The following PPP6C variants were observed in gnomAD, a reference collection of about 807,000 sequenced individuals.
The protein encoded by PPP6C is serine/threonine-protein phosphatase 6 catalytic subunit.
PPP6C carries 11 observed loss-of-function variants against 39.8 expected under a neutral mutation model. The ratio of observed to expected loss-of-function variants is 0.28; its 90% CI spans 0.17 to 0.46. PPP6C has a LOEUF of 0.46. Ranked by LOEUF, PPP6C falls within the 20% of genes least tolerant of loss-of-function variation. The pLI is 1.00. For synonymous variants in PPP6C, 129 were observed against 130.3 expected (o/e 0.99, Z 0.07); for missense variants, 211 against 373.9 (o/e 0.56, Z 3.59).
At chr9:125,154,613 G>A (rs1247916433) in intron 4 of PPP6C, among the ~76,000 whole-genome samples, 4 of 152,166 alleles carry the variant, frequency 2.6e-5, no homozygotes, top group African/African-American at 9.7e-5. Flanking sequence ...ACAACCTGAA[G>A]CAAATGTTTT....
intron 2 of PPP6C, among the ~76,000 whole-genome samples, chr9:125,162,091 A>C (rs866135928): frequency 2.9e-5 from 4 of 137,694 alleles, no homozygotes; most frequent in South Asian, 5.0e-4. Flanking sequence ...AAAGTCAGAC[A>C]AAAAAAAAAA....
intron 2 of PPP6C, among the ~76,000 whole-genome samples, chr9:125,167,658 G>A (rs1015426295): frequency 2.2e-4 from 34 of 151,642 alleles, no homozygotes; most frequent in African/African-American, 7.5e-4. Context: ...AGCCAGGATC[G>A]TGCCATTGCA....
rs1048841603 is a variant in PPP6C, at chr9:125,147,197, A to G, written c.*2476T>C. 1.3e-5 allele frequency: 2 copies of G among 152,236 alleles called. No individual in the cohort carries two copies. Among genetic ancestry groups the G allele is most frequent in the Non-Finnish European group, 2.9e-5 (2 of 68,040 alleles). The allele number at this position is 152,236 out of a possible 1,614,324, so 9.4% of individuals were successfully genotyped here. ...AAGAGCATATCGGCCAAAGGAGGAA[A>G]GGGAGTAAATGGCAATTCAAAGTAG... On this transcript the variant is annotated 3_prime_UTR_variant, in exon 7 of 7. Transcript: ENST00000373547.
chr9:125,155,171 G>A (rs1374607140), intron 4 of PPP6C, among the ~76,000 whole-genome samples: 1 of 152,076 alleles, frequency 6.6e-6, no homozygotes, highest in Non-Finnish European at 1.5e-5. Context: ...CTCCCACAGT[G>A]CTGAGAATAC....
chr9:125,166,977 A>T (rs1829030578), intron 2 of PPP6C, among the ~76,000 whole-genome samples: 1 of 152,074 alleles, frequency 6.6e-6, no homozygotes, highest in Admixed American at 6.6e-5. Context: ...ATAGCTGACT[A>T]TAGCCTCAAA....
In PPP6C at chr9:125,146,586, A is replaced by G. The variant is rs533227764; in HGVS notation, c.*3087T>C. ...CAAGCAACCAAGTGGAGGAATAAGC[A>G]TTTTTTAATTTCTTATATAAAATGC... On this transcript the variant is annotated 3_prime_UTR_variant, in exon 7 of 7. Transcript: ENST00000373547. 1 of 152,212 alleles carries G rather than the reference A, an allele frequency of 6.6e-6. No individual in the cohort carries two copies. The highest frequency in any genetic ancestry group is 1.9e-4 in the East Asian group (1 of 5,184). 9.4% of individuals were successfully genotyped at this position (152,212 alleles called of 1,614,324 possible). A position where few individuals can be genotyped will look rare whatever the true frequency, so the allele number is the denominator to read the frequency against.
chr9:125,173,122 T>C (rs557970574), intron 1 of PPP6C, among the ~76,000 whole-genome samples: 10 of 151,886 alleles, frequency 6.6e-5, no homozygotes, highest in African/African-American at 2.4e-4. Flanking sequence ...CTACTAAATA[T>C]AAAAATTAGG....
chr9:125,179,463 A>G (rs1829377529), intron 1 of PPP6C, among the ~76,000 whole-genome samples: 1 of 151,980 alleles, frequency 6.6e-6, no homozygotes, highest in Non-Finnish European at 1.5e-5. Context: ...ATTTTTATTT[A>G]TTAGACAGAG....
rs182625272 is a variant in PPP6C at position 125,173,067 on chromosome 9, A to C, written c.76-1887T>G. 9.9e-5 allele frequency among the ~76,000 whole-genome samples: 15 copies of C among 152,280 alleles called. No individual in the cohort carries two copies. In the East Asian group the frequency reaches 1.4e-3, roughly 14 times the overall value. ...CAAAGTGGGTGGATCATTTGAGGTC[A>C]GGAGTTCAAGACCAGCCTGACCAAC... is the stretch of plus-strand genomic sequence containing the variant. On this transcript the variant is annotated intron_variant, in intron 1 of 6. Transcript: ENST00000373547.
chr9:125,186,742 T>C (rs1248693744), intron 1 of PPP6C, among the ~76,000 whole-genome samples: 1 of 151,166 alleles, frequency 6.6e-6, no homozygotes, highest in African/African-American at 2.4e-5. Context: ...AGTGAGACCA[T>C]GTCCCCGCTC....
chr9:125,185,408 T>C (rs527600239), intron 1 of PPP6C, among the ~76,000 whole-genome samples: 1 of 151,968 alleles, frequency 6.6e-6, no homozygotes, highest in Non-Finnish European at 1.5e-5. Flanking sequence ...AAAACTGTTA[T>C]GTATGCCAGG....
At chr9:125,160,224 T>C (rs919852833) in intron 3 of PPP6C, among the ~76,000 whole-genome samples, 4 of 152,290 alleles carry the variant, frequency 2.6e-5, no homozygotes, top group Middle Eastern at 3.4e-3. Flanking sequence ...TAATAGTCAA[T>C]TGAAGATTTT....
intron 1 of PPP6C, among the ~76,000 whole-genome samples, chr9:125,174,541 T>A (rs1293199840): frequency 6.6e-6 from 1 of 151,656 alleles, no homozygotes; most frequent in Admixed American, 6.6e-5. Flanking sequence ...TTGTGTTGAA[T>A]TTTCCACACC....
chr9:125,154,376 A>C (rs186097611), intron 4 of PPP6C, among the ~76,000 whole-genome samples: 1 of 152,374 alleles, frequency 6.6e-6, no homozygotes, highest in Admixed American at 6.5e-5. Flanking sequence ...ATAAGGAAAT[A>C]GTAACACAAT....
intron 1 of PPP6C, among the ~76,000 whole-genome samples, chr9:125,174,430 C>T (rs1829250811): frequency 6.7e-6 from 1 of 149,802 alleles, no homozygotes; most frequent in Non-Finnish European, 1.5e-5. Flanking sequence ...GCCTTCATTC[C>T]TAGGGTAAGT....
intron 1 of PPP6C, among the ~76,000 whole-genome samples, chr9:125,182,301 T>C (rs544058473): frequency 6.6e-6 from 1 of 152,252 alleles, no homozygotes; most frequent in East Asian, 1.9e-4. Flanking sequence ...ACTTCCTTTA[T>C]CTACTTTTAC....
In PPP6C at chr9:125,149,867, C is replaced by T. The variant is rs1564144380; in HGVS notation, c.724G>A (p.Glu242Lys). ...LICRAHQLVH[E>K]GYKFMFDEKL... ...TCATCAAACATAAATTTATAGCCTT[C>T]GTGCACTAGTTGATGTGCTCTGCAG... The change falls in exon 7 of 7, where the codon GAA becomes AAA. Residue 242 changes from glutamate (E) to lysine (K), a missense_variant. Coordinates refer to ENST00000373547, the MANE Select transcript of PPP6C (RefSeq NM_002721.5). 1 of 1,614,092 alleles carries T rather than the reference C, an allele frequency of 6.2e-7. No individual in the cohort carries two copies. Among genetic ancestry groups the T allele is most frequent in the Non-Finnish European group, 8.5e-7 (1 of 1,180,002 alleles).
At chr9:125,178,361 G>T (rs903715117) in intron 1 of PPP6C, among the ~76,000 whole-genome samples, 1 of 152,144 alleles carries the variant, frequency 6.6e-6, no homozygotes, top group Admixed American at 6.6e-5. Flanking sequence ...GTATATAGTG[G>T]TTATCTCATG....
chr9:125,150,155 G>GA (rs1835900565), intron 6 of PPP6C, among the ~76,000 whole-genome samples: 1 of 152,116 alleles, frequency 6.6e-6, no homozygotes, highest in Non-Finnish European at 1.5e-5. Flanking sequence ...ATTTCTGGAA[G>GA]AAAAAGCATT....
Sources: gnomAD v4.1 joint callset for allele counts (sites outside exome capture counted in the v4.1 genomes callset) on GRCh38, gnomAD v4.1.1 for gene constraint, MANE v1.5 for transcripts, NCBI Gene and HGNC (gene_info 2026-07-23, HGNC 2026-07-21) for gene names.